The following IARS1 variants were observed in gnomAD, a reference collection of about 807,000 sequenced individuals.
The protein encoded by IARS1 is isoleucyl-tRNA synthetase 1.
In IARS1, 124 loss-of-function variants were observed where a neutral mutation model predicts 168.2. The ratio of observed to expected loss-of-function variants is 0.74; its 90% CI spans 0.64 to 0.86. The LOEUF is 0.86. Ranked by LOEUF, IARS1 falls within the 40% of genes least tolerant of loss-of-function variation. The probability of loss-of-function intolerance (pLI) is 0.00; values close to 1 mark genes in which losing one functional copy is unlikely to be tolerated. For missense variants in IARS1, 1,452 were observed against 1,515.8 expected (o/e 0.96, Z 0.70); for synonymous variants, 532 against 529.4 (o/e 1.00, Z -0.07).
intron 21 of IARS1, among the ~76,000 whole-genome samples, chr9:92,252,654 C>G (rs1830167638): frequency 6.8e-6 from 1 of 148,024 alleles, no homozygotes; most frequent in Non-Finnish European, 1.5e-5. Context: ...GTAATCCCAG[C>G]TACTGGGGAG....
intron 15 of IARS1, 63 bp from the exon 16 acceptor site, chr9:92,265,186 T>C (rs1036488832): frequency 4.3e-6 from 6 of 1,385,564 alleles, no homozygotes; most frequent in Non-Finnish European, 5.9e-6. Flanking sequence ...GCAGTTTAAT[T>C]GCTAATAGGA....
At chr9:92,287,519 A>G (rs1835640250) in intron 4 of IARS1, 1 of 226,062 alleles carries the variant, frequency 4.4e-6, no homozygotes, top group Non-Finnish European at 8.6e-6. Flanking sequence ...ATTTGAGAAA[A>G]AAAGAAAAGG....
At chr9:92,223,724 CTAAT>C (rs1825180715) in intron 31 of IARS1, among the ~76,000 whole-genome samples, 1 of 152,084 alleles carries the variant, frequency 6.6e-6, no homozygotes, top group African/African-American at 2.4e-5. Context: ...AAATATAGGG[CTAAT>C]TGTTTTCTCT....
Position 92,245,019 on chromosome 9 carries a change from CAT to C in IARS1, c.2842_2843del (p.Met948ValfsTer4). On this transcript the variant is annotated frameshift_variant, in exon 27 of 34. Coordinates refer to ENST00000443024, the MANE Select transcript of IARS1 (RefSeq NM_002161.6). LOFTEE classifies it high-confidence loss of function. ...HELHDEDIRL[M>X]YTFDQATGGT... ...CACCTGTGGCCTGATCAAAGGTGTA[CAT>C]GAGGCGGATGTCTTCATCGTGCAAT... is the stretch of plus-strand genomic sequence containing the variant. 6.2e-7 allele frequency: 1 copy of C among 1,614,182 alleles called. No individual in the cohort carries two copies. The highest frequency in any genetic ancestry group is 8.5e-7 in the Non-Finnish European group (1 of 1,180,030).
chr9:92,253,395 A>T lies in IARS1; in HGVS notation c.2196T>A (p.Asn732Lys). Residue 732 changes from asparagine (N) to lysine (K), a missense_variant, in exon 21 of 34, where the codon AAT (asparagine) becomes AAA (lysine). Transcript: ENST00000443024. ...RLVKFVDILT[N>K]WYVRMNRRRL... ...TTCTGCGGTTCATTCTAACATACCA[A>T]TTGGTCAGAATATCTACAAACTTGA... is the stretch of plus-strand genomic sequence containing the variant. 6.2e-7 allele frequency: 1 copy of T among 1,613,618 alleles called. No individual in the cohort carries two copies. The highest frequency in any genetic ancestry group is 8.5e-7 in the Non-Finnish European group (1 of 1,179,580).
intron 26 of IARS1, 143 bp from the exon 27 acceptor site, chr9:92,245,214 T>C: frequency 3.1e-6 from 2 of 655,440 alleles, no homozygotes; most frequent in East Asian, 5.5e-5. Context: ...CTCTGACTCA[T>C]GTCATGGTTG....
rs1029299415 is a variant in IARS1 at position 92,250,698 on chromosome 9, C to G, written c.2429+15G>C. 6.3e-7 allele frequency: 1 copy of G among 1,588,052 alleles called. No individual in the cohort carries two copies. The highest frequency in any genetic ancestry group is 1.7e-4 in the Middle Eastern group (1 of 5,922). On this transcript the variant is annotated intron_variant, in intron 23 of 33. Coordinates refer to ENST00000443024, the MANE Select transcript of IARS1 (RefSeq NM_002161.6). ...TCCTTGGCACAGGTGAGGCTTATTT[C>G]TATTTGAGTCCTACCGAACACGGGG...
In IARS1 at chr9:92,265,115, T is replaced by C. The variant is rs1212019887; in HGVS notation, c.1514A>G (p.His505Arg). ...CCCACAGCGTGAAGGAATGGTCAGG[T>C]GGTCAACACTAACAAACAGAAAAGT... Reference protein sequence around the residue: ...ISDLHRESVDHLTIPSRCGKG... With the variant: ...ISDLHRESVDRLTIPSRCGKG... The change falls in exon 16 of 34, where the codon CAC becomes CGC. Residue 505 changes from histidine to arginine, a missense_variant. Coordinates refer to ENST00000443024, the MANE Select transcript of IARS1 (RefSeq NM_002161.6). The C allele has an allele frequency of 6.2e-7, 1 of 1,611,524 alleles. No individual in the cohort carries two copies. The highest frequency in any genetic ancestry group is 1.7e-5 in the Admixed American group (1 of 59,448).
intron 33 of IARS1, among the ~76,000 whole-genome samples, chr9:92,212,724 C>T (rs1837958012): frequency 6.6e-6 from 1 of 152,136 alleles, no homozygotes; most frequent in Non-Finnish European, 1.5e-5. Flanking sequence ...TACTACCATA[C>T]CACAATGAAA....
intron 9 of IARS1, among the ~76,000 whole-genome samples, chr9:92,274,899 A>G (rs1044916718): frequency 4.2e-5 from 6 of 143,044 alleles, no homozygotes; most frequent in Admixed American, 2.8e-4. Flanking sequence ...CAATCACTGC[A>G]TATGTTTTGC....
chr9:92,241,309 C>T (rs1828362622), intron 29 of IARS1, among the ~76,000 whole-genome samples: 1 of 152,052 alleles, frequency 6.6e-6, no homozygotes, highest in African/African-American at 2.4e-5. Flanking sequence ...GAGACCGGAG[C>T]AAATGATTAA....
chr9:92,212,658 C>A (rs1837949296), intron 33 of IARS1, among the ~76,000 whole-genome samples: 1 of 152,206 alleles, frequency 6.6e-6, no homozygotes, highest in Non-Finnish European at 1.5e-5. Flanking sequence ...TAAGAATTAT[C>A]TCTAAAGTTT....
chr9:92,235,556 C>T (rs1238366154), intron 30 of IARS1, among the ~76,000 whole-genome samples: 3 of 132,302 alleles, frequency 2.3e-5, no homozygotes, highest in Admixed American at 8.6e-5. Flanking sequence ...CTCCCTCTGT[C>T]GCCCAGGCTG....
intron 1 of IARS1, 59 bp downstream of exon 1, chr9:92,293,552 T>C (rs989364960): frequency 2.0e-6 from 1 of 493,924 alleles, no homozygotes; most frequent in South Asian, 1.5e-5. Context: ...TTCGGGGTTG[T>C]AACGCGTGCG....
At chr9:92,281,061 T>G (rs191426289) in intron 6 of IARS1, among the ~76,000 whole-genome samples, 168 bp from the exon 7 acceptor site, 2 of 152,054 alleles carry the variant, frequency 1.3e-5, no homozygotes, top group African/African-American at 4.8e-5. Flanking sequence ...GTAAAAAAAT[T>G]TTTAAATACT....
chr9:92,217,552 G>A (rs1838932079), intron 33 of IARS1, among the ~76,000 whole-genome samples: 2 of 148,918 alleles, frequency 1.3e-5, no homozygotes, highest in Admixed American at 6.7e-5. Context: ...AAAAAAGAGA[G>A]CAGAATCAAA....
chr9:92,271,717 T>C, intron 10 of IARS1, 62 bp from the exon 11 acceptor site: 1 of 1,538,182 alleles, frequency 6.5e-7, no homozygotes. Flanking sequence ...GAGCATGAGG[T>C]AATAGATTCC....
At chr9:92,277,612 T>C (rs1381959318) in intron 9 of IARS1, among the ~76,000 whole-genome samples, 5 of 151,492 alleles carry the variant, frequency 3.3e-5, no homozygotes, top group African/African-American at 1.2e-4. Flanking sequence ...GAGGTCGAGG[T>C]TGCAGTGAGC....
At chr9:92,260,398 G>A (rs1831355844) in intron 17 of IARS1, among the ~76,000 whole-genome samples, 164 bp from the exon 18 acceptor site, 1 of 152,210 alleles carries the variant, frequency 6.6e-6, no homozygotes, top group Non-Finnish European at 1.5e-5. Flanking sequence ...GCTCACTCCT[G>A]TAATCCCAGC....
Sources: allele counts gnomAD v4.1 joint callset (sites outside exome capture counted in the v4.1 genomes callset), GRCh38; gene constraint gnomAD v4.1.1; transcripts MANE v1.5; gene names NCBI Gene and HGNC (gene_info 2026-07-23, HGNC 2026-07-21).